Variants in PRSS27 observed in about 807,000 individuals in gnomAD.
PRSS27 encodes the protein serine protease 27, also known as channel-activating protease 2.
Under a neutral mutation model 32.0 loss-of-function variants are expected in PRSS27, and 25 were observed. The observed-to-expected ratio is 0.78, with a 90% CI of 0.57 to 1.09. The LOEUF (loss-of-function observed/expected upper bound fraction) is 1.09, where lower values mean the gene tolerates loss of function less well. PRSS27 is among the 50% of genes least tolerant of loss of function. PRSS27 has a pLI of 0.00. For missense variants in PRSS27, 401 were observed against 394.9 expected (o/e 1.02, Z -0.13); for synonymous variants, 178 against 172.2 (o/e 1.03, Z -0.26).
intron 5 of PRSS27, chr16:2,713,198 G>A (rs191710990): frequency 1.8e-4 from 83 of 449,870 alleles, no homozygotes; most frequent in African/African-American, 3.6e-4. Context: ...TCCCAGGTTC[G>A]CGCCATTCTC....
intron 5 of PRSS27, 104 bp downstream of exon 5, chr16:2,713,425 G>T: frequency 8.0e-7 from 1 of 1,250,116 alleles, no homozygotes; most frequent in Non-Finnish European, 1.2e-6. Flanking sequence ...AAAACAAGCT[G>T]CTCAGCTGGT....
At position 2,714,942 on chromosome 16, in the gene PRSS27, T is replaced by G. The variant is rs2067691822; in HGVS notation, c.237-606A>C. On this transcript the variant is annotated intron_variant, in intron 3 of 5. Transcript: ENST00000302641. The surrounding 1 kb of genome is among the most constrained non-coding windows in gnomAD (Gnocchi z 4.7). Reference sequence around the variant, plus strand: ...TTTTTGTTTTTTAATTTTTTTTTATTTTTAGTAGAGACAGGGTCTTGCTGT... The same window carrying G: ...TTTTTGTTTTTTAATTTTTTTTTATGTTTAGTAGAGACAGGGTCTTGCTGT... The G allele has an allele frequency of 1.3e-5, 2 of 153,994 alleles. No homozygotes were observed. Among genetic ancestry groups the G allele is most frequent in the African/African-American group, 4.8e-5 (2 of 41,368 alleles). 9.5% of individuals were successfully genotyped at this position (153,994 alleles called of 1,614,324 possible).
In PRSS27 at chr16:2,712,729, C is replaced by T. The variant is rs868405194; in HGVS notation, c.764G>A (p.Arg255His). 18 of 1,588,020 alleles carry T rather than the reference C, an allele frequency of 1.1e-5. No homozygotes were observed. Among genetic ancestry groups the T allele is most frequent in the Admixed American group, 3.5e-5 (2 of 56,540 alleles). Residue 255 changes from arginine (R) to histidine (H), a missense_variant, in exon 6 of 6, where the codon CGC becomes CAC. Transcript: ENST00000302641. This position sits in a 1 kb window ranked among gnomAD's most constrained non-coding sequence, Gnocchi z 4.6. ...GATGTAGACACCTGGGCGGTTCTGG[C>T]GGGCACAGCCCTCACCCCAGCTGAT... Reference protein sequence around the residue: ...GVISWGEGCARQNRPGVYIRV... With the variant: ...GVISWGEGCAHQNRPGVYIRV...
At chr16:2,719,182 C>T (rs981576696) in intron 1 of PRSS27, among the ~76,000 whole-genome samples, 1 of 152,160 alleles carries the variant, frequency 6.6e-6, no homozygotes, top group Non-Finnish European at 1.5e-5. Context: ...CTTGGTTCCT[C>T]ACCCCGCTCA....
In PRSS27 at chr16:2,713,518, A is replaced by G. The variant is rs2067679082; in HGVS notation, c.678+11T>C. ...GGGACTGAGTCCCCATGGACACCAC[A>G]TTGCTCCCACCTTGCAGGCATCCTT... On this transcript the variant is annotated intron_variant, in intron 5 of 5. Coordinates refer to ENST00000302641, the MANE Select transcript of PRSS27 (RefSeq NM_031948.5). 3 of 1,613,908 alleles carry G rather than the reference A, an allele frequency of 1.9e-6. No homozygotes were observed. Among genetic ancestry groups the G allele is most frequent in the African/African-American group, 1.3e-5 (1 of 74,898 alleles).
chr16:2,714,049 A>C lies in PRSS27; in HGVS notation c.508+16T>G, dbSNP rs981988476. The C allele has an allele frequency of 6.3e-7, 1 of 1,589,758 alleles. No homozygotes were observed. Among genetic ancestry groups the C allele is most frequent in the Non-Finnish European group, 8.6e-7 (1 of 1,166,298 alleles). On this transcript the variant is annotated intron_variant, in intron 4 of 5. Transcript: ENST00000302641. The surrounding 1 kb of genome is among the most constrained non-coding windows in gnomAD (Gnocchi z 4.7). ...TGAGGCATATCCCCCATTCTTTCCC[A>C]GCCCTGTCCCCTTACCTTCCTCACT...
In PRSS27 at chr16:2,715,739, G is replaced by A. The variant is rs757297128; in HGVS notation, c.215C>T (p.Thr72Met). 6.4e-7 allele frequency: 1 copy of A among 1,563,810 alleles called. No individual in the cohort carries two copies. Residue 72 changes from threonine (T) to methionine (M), a missense_variant, in exon 3 of 6, where the codon ACG (threonine) becomes ATG (methionine). By Grantham distance (81) the Thr-to-Met change is moderately conservative. Transcript: ENST00000302641. The stretch of plus-strand genomic sequence containing the variant: ...TCACTTGCGGAAGCAGTGCGCAGCC[G>A]TCAGGACCCACTGCTCCGCGATGAG... ...GSLIAEQWVL[T>M]AAHCFRNTSE...
At chr16:2,716,138 A>G in intron 2 of PRSS27, 3 of 539,464 alleles carry the variant, frequency 5.6e-6, no homozygotes, top group Non-Finnish European at 9.9e-6. Context: ...AGGCACTGAG[A>G]TAACCCAGGG....
chr16:2,713,996 G>A, intron 4 of PRSS27, 69 bp downstream of exon 4: 1 of 1,482,580 alleles, frequency 6.7e-7, no homozygotes, highest in Non-Finnish European at 9.2e-7. Flanking sequence ...TGGGTTCAGA[G>A]TGGTCCCCAA....
Position 2,712,735 on chromosome 16 carries a change from C to A in PRSS27, c.758G>T (p.Cys253Phe). The A allele has an allele frequency of 6.3e-7, 1 of 1,587,994 alleles. No homozygotes were observed. Among genetic ancestry groups the A allele is most frequent in the Admixed American group, 1.8e-5 (1 of 56,560 alleles). Reference sequence around the variant, plus strand: ...GACACCTGGGCGGTTCTGGCGGGCACAGCCCTCACCCCAGCTGATCACCCC... The same window carrying A: ...GACACCTGGGCGGTTCTGGCGGGCAAAGCCCTCACCCCAGCTGATCACCCC... ...QAGVISWGEG[C>F]ARQNRPGVYI... The change falls in exon 6 of 6, where the codon TGT (cysteine) becomes TTT (phenylalanine). Residue 253 changes from cysteine to phenylalanine, a missense_variant. Transcript: ENST00000302641. This position sits in a 1 kb window ranked among gnomAD's most constrained non-coding sequence, Gnocchi z 4.6.
rs766777883 is a variant in PRSS27, at chr16:2,712,702, C to T, written c.791G>A (p.Arg264His). Residue 264 changes from arginine to histidine, a missense_variant, in exon 6 of 6, where the codon CGT becomes CAT. Physicochemically the swap from Arg to His is conservative, Grantham distance 29. Transcript: ENST00000302641. This position sits in a 1 kb window ranked among gnomAD's most constrained non-coding sequence, Gnocchi z 4.6. ...GATCCAGTTGTGGTGGGCGGTGACA[C>T]GGATGTAGACACCTGGGCGGTTCTG... Reference protein sequence around the residue: ...ARQNRPGVYIRVTAHHNWIHR... With the variant: ...ARQNRPGVYIHVTAHHNWIHR... The T allele has an allele frequency of 1.3e-5, 21 of 1,597,786 alleles. No homozygotes were observed. The highest frequency in any genetic ancestry group is 2.3e-5 in the East Asian group (1 of 44,132).
At chr16:2,716,336 C>T in intron 2 of PRSS27, 164 bp downstream of exon 2, 1 of 689,732 alleles carries the variant, frequency 1.4e-6, no homozygotes, top group East Asian at 2.7e-5. Flanking sequence ...TGTGGACCTT[C>T]CTCCTCCTCT....
chr16:2,714,109 C>T lies in PRSS27; in HGVS notation c.464G>A (p.Gly155Asp), dbSNP rs754115041. The T allele has an allele frequency of 6.2e-7, 1 of 1,613,602 alleles. No individual in the cohort carries two copies. The highest frequency in any genetic ancestry group is 2.2e-5 in the East Asian group (1 of 44,884). The change falls in exon 4 of 6, where the codon GGC becomes GAC. Residue 155 changes from glycine to aspartate, a missense_variant. Physicochemically the swap from Gly to Asp is moderately conservative, Grantham distance 94 (BLOSUM62 -1). Transcript: ENST00000302641. This position sits in a 1 kb window ranked among gnomAD's most constrained non-coding sequence, Gnocchi z 4.7. ...CCAGCCAGTGACCCAGCAGTTCATG[C>T]CCGTCTCAAAGATCACCGAGGGGTC... ...LPDPSVIFET[G>D]MNCWVTGWGS...
rs111636677 is a variant in PRSS27, at chr16:2,719,196, G to A, written c.46+919C>T. 2.0e-5 allele frequency among the ~76,000 whole-genome samples: 3 copies of A among 152,264 alleles called. 1 individual carries two copies. Among genetic ancestry groups the A allele is most frequent in the African/African-American group, 7.2e-5 (3 of 41,552 alleles). ...CCTTGGTTCCTCACCCCGCTCAGGG[G>A]CAGTCACAGCCTTCCACCTCCTGTG... On this transcript the variant is annotated intron_variant, in intron 1 of 5. Transcript: ENST00000302641.
intron 1 of PRSS27, 50 bp downstream of exon 1, chr16:2,720,065 G>C: frequency 6.6e-7 from 1 of 1,510,810 alleles, no homozygotes; most frequent in East Asian, 2.4e-5. Flanking sequence ...CAGTGCAGCG[G>C]AGCCTGGTGG....
intron 4 of PRSS27, 75 bp from the exon 5 acceptor site, chr16:2,713,773 C>G (rs566537624): frequency 6.7e-7 from 1 of 1,497,348 alleles, no homozygotes; most frequent in African/African-American, 1.4e-5. Flanking sequence ...AACCACCACT[C>G]CATCCTGCCT....
chr16:2,712,812 G>A lies in PRSS27; in HGVS notation c.681C>T (p.Gly227=), dbSNP rs368585462. Residue 227 remains glycine, a splice_region_variant and synonymous_variant, in exon 6 of 6, where the codon GGC becomes GGT. Coordinates refer to ENST00000302641, the MANE Select transcript of PRSS27 (RefSeq NM_031948.5). This position sits in a 1 kb window ranked among gnomAD's most constrained non-coding sequence, Gnocchi z 4.6. ...GGCACACCAGGGGGCCGCCCGAGTCGCCCTGCGGGGGACGCAGAGTCACCG... is the reference window on the plus strand; with the variant it reads ...GGCACACCAGGGGGCCGCCCGAGTCACCCTGCGGGGGACGCAGAGTCACCG... ...FEEGKKDACK[G]DSGGPLVCLV... is the part of the protein sequence containing the mutation. 76 of 1,551,354 alleles carry A rather than the reference G, an allele frequency of 4.9e-5. No individual in the cohort carries two copies. Among genetic ancestry groups the A allele is most frequent in the Non-Finnish European group, 5.9e-5 (68 of 1,146,198 alleles).
chr16:2,716,180 G>C, intron 2 of PRSS27: 1 of 555,966 alleles, frequency 1.8e-6, no homozygotes. Flanking sequence ...GACCCAAACA[G>C]GTGCCTGGAA....
chr16:2,712,561 G>A lies in PRSS27; in HGVS notation c.*59C>T, dbSNP rs2067668277. On this transcript the variant is annotated 3_prime_UTR_variant, in exon 6 of 6. Transcript: ENST00000302641. This position sits in a 1 kb window ranked among gnomAD's most constrained non-coding sequence, Gnocchi z 4.6. ...CAGCGCTGGGAGGACCAGCAGGATG[G>A]TGTGGGCGGGCAGGCTGGGTGCAGA... 1 of 1,450,594 alleles carries A rather than the reference G, an allele frequency of 6.9e-7. No homozygotes were observed. The allele number at this position is 1,450,594 out of a possible 1,614,324, so 89.9% of individuals were successfully genotyped here.
Sources: allele counts gnomAD v4.1 joint callset (sites outside exome capture counted in the v4.1 genomes callset), GRCh38; gene constraint gnomAD v4.1.1; non-coding constraint Gnocchi (gnomAD v3.1); transcripts MANE v1.5; gene names NCBI Gene and HGNC (gene_info 2026-07-23, HGNC 2026-07-21).